C1orf21: variants seen among roughly 807,000 people sequenced by gnomAD.
C1orf21 encodes chromosome 1 open reading frame 21, also known as uncharacterized protein C1orf21.
In C1orf21, 3 loss-of-function variants were observed where a neutral mutation model predicts 18.7. The observed-to-expected ratio is 0.16, with a 90% CI of 0.07 to 0.42. C1orf21 has a LOEUF of 0.42. Ranked by LOEUF, C1orf21 falls within the 10% of genes least tolerant of loss-of-function variation. The pLI, the probability that C1orf21 is intolerant of heterozygous loss-of-function variation, is 0.99. For missense variants in C1orf21, 104 were observed against 143.6 expected (o/e 0.72, Z 1.41); for synonymous variants, 41 against 46.4 (o/e 0.88, Z 0.47).
intron 3 of C1orf21, among the ~76,000 whole-genome samples, chr1:184,534,743 G>C (rs1658521665): frequency 1.3e-5 from 2 of 152,142 alleles, no homozygotes; most frequent in Admixed American, 6.5e-5. Flanking sequence ...TGGGGCACGG[G>C]TACATGAATA....
intron 3 of C1orf21, among the ~76,000 whole-genome samples, chr1:184,547,859 C>T (rs1334038319): frequency 8.6e-5 from 13 of 152,038 alleles, no homozygotes; most frequent in Admixed American, 7.9e-4. Flanking sequence ...ACATTCATTA[C>T]AATCTGAAAT....
intron 3 of C1orf21, among the ~76,000 whole-genome samples, chr1:184,584,760 T>C (rs1659329884): frequency 6.6e-6 from 1 of 152,246 alleles, no homozygotes; most frequent in African/African-American, 2.4e-5. Flanking sequence ...AATACTGTTA[T>C]ATGCTACAAT....
At chr1:184,427,633 A>G (rs796571424) in intron 1 of C1orf21, among the ~76,000 whole-genome samples, 14 of 152,190 alleles carry the variant, frequency 9.2e-5, no homozygotes, top group African/African-American at 2.9e-4. Context: ...AATGAATGAA[A>G]TTGATGTCTC....
chr1:184,410,643 A>AT (rs1271254231), intron 1 of C1orf21, among the ~76,000 whole-genome samples: 8 of 4,968 alleles, frequency 1.6e-3, no homozygotes, highest in African/African-American at 0.011. Context: ...ATATATATAT[A>AT]TATATATATA....
At chr1:184,573,375 C>G (rs1176573278) in intron 3 of C1orf21, among the ~76,000 whole-genome samples, 1 of 152,118 alleles carries the variant, frequency 6.6e-6, no homozygotes, top group Non-Finnish European at 1.5e-5. Context: ...CTTAAAATGT[C>G]AAGTCCTAGA....
intron 1 of C1orf21, among the ~76,000 whole-genome samples, chr1:184,416,186 T>A (rs1026755737): frequency 2.6e-5 from 4 of 152,232 alleles, no homozygotes; most frequent in African/African-American, 9.6e-5. Context: ...ATAAATGTTT[T>A]TTTTGGATGA....
rs376365791 is a variant in C1orf21 at position 184,492,738 on chromosome 1, A to G, written c.95-14850A>G. Reference sequence around the variant, plus strand: ...ACTGATGCTTAAATTGGTGCTGTGCAGCTGCTGCTAGTCAGTGAAGGATTC... The same window carrying G: ...ACTGATGCTTAAATTGGTGCTGTGCGGCTGCTGCTAGTCAGTGAAGGATTC... On this transcript the variant is annotated intron_variant, in intron 2 of 5. Transcript: ENST00000235307. Among the ~76,000 whole-genome samples the G allele has an allele frequency of 8.5e-5, 13 of 152,328 alleles. 1 individual carries two copies. In the East Asian group the frequency reaches 2.3e-3, roughly 27 times the overall value.
rs138405640 is a variant in C1orf21, at chr1:184,421,922, A to G, written c.-125+34554A>G. On this transcript the variant is annotated intron_variant, in intron 1 of 5. Transcript: ENST00000235307. ...TAAAGTCCGCTTCCCCATGAGTGCA[A>G]GGTCCTCTGGAAGCCATGTGGATAT... Among the ~76,000 whole-genome samples the G allele has an allele frequency of 1.4e-4, 21 of 152,336 alleles. No homozygotes were observed. In the East Asian group the frequency reaches 4.0e-3, roughly 29 times the overall value.
At chr1:184,611,262 T>G (rs891950624) in intron 5 of C1orf21, among the ~76,000 whole-genome samples, 12 of 152,238 alleles carry the variant, frequency 7.9e-5, no homozygotes, top group African/African-American at 2.9e-4. Flanking sequence ...CTTTGGCATT[T>G]AAAACTGTTC....
At chr1:184,475,794 CCTGGATTT>C (rs1657562766) in intron 1 of C1orf21, among the ~76,000 whole-genome samples, 1 of 146,924 alleles carries the variant, frequency 6.8e-6, no homozygotes, top group Non-Finnish European at 1.5e-5. Context: ...CATCCACAGG[CCTGGATTT>C]CATATAGTTT....
intron 3 of C1orf21, among the ~76,000 whole-genome samples, chr1:184,578,289 C>T (rs923397909): frequency 1.3e-5 from 2 of 152,120 alleles, no homozygotes; most frequent in African/African-American, 4.8e-5. Flanking sequence ...CTCCTGGGGA[C>T]CAGGCAACAG....
chr1:184,410,645 A>AATATATATATATAT lies in C1orf21; in HGVS notation c.-125+23277_-125+23278insATATATATATATAT. 1.8e-3 allele frequency among the ~76,000 whole-genome samples: 9 copies of AATATATATATATAT among 4,974 alleles called. 3 individuals carry two copies. In the African/African-American group the frequency reaches 0.026, roughly 14 times the overall value. 3.3% of individuals were successfully genotyped at this position (4,974 alleles called of 152,430 possible). A position where few individuals can be genotyped will look rare whatever the true frequency, so the allele number is the denominator to read the frequency against. ...TATATATATATATATATATATATATATATATATATATATATATATTTTTTT... is the reference window on the plus strand; with the variant it reads ...TATATATATATATATATATATATATAATATATATATATATTATATATATATATATATATTTTTTT... On this transcript the variant is annotated intron_variant, in intron 1 of 5. Coordinates refer to ENST00000235307, the MANE Select transcript of C1orf21 (RefSeq NM_030806.4).
chr1:184,450,438 G>T (rs1424386658), intron 1 of C1orf21, among the ~76,000 whole-genome samples: 1 of 152,150 alleles, frequency 6.6e-6, no homozygotes, highest in Non-Finnish European at 1.5e-5. Flanking sequence ...GCTCAATACT[G>T]TATGCATTTT....
chr1:184,596,893 GAAAGA>G (rs1456207903), intron 4 of C1orf21, among the ~76,000 whole-genome samples: 6 of 150,024 alleles, frequency 4.0e-5, no homozygotes, highest in Admixed American at 1.3e-4. Flanking sequence ...AAAAAAGAAA[GAAAGA>G]AAAGAAAAGA....
At chr1:184,587,204 G>A (rs1434679891) in intron 3 of C1orf21, among the ~76,000 whole-genome samples, 7 of 149,534 alleles carry the variant, frequency 4.7e-5, no homozygotes, top group African/African-American at 9.8e-5. Context: ...CATAAAGTCA[G>A]GTAGTGTGAT....
At chr1:184,413,886 C>G (rs548938589) in intron 1 of C1orf21, among the ~76,000 whole-genome samples, 93 of 152,312 alleles carry the variant, frequency 6.1e-4, no homozygotes, top group African/African-American at 2.2e-3. Flanking sequence ...AAAGGTCACT[C>G]TGCCTTAAAT....
At chr1:184,508,933 A>G (rs1426741306) in intron 3 of C1orf21, among the ~76,000 whole-genome samples, 2 of 152,210 alleles carry the variant, frequency 1.3e-5, no homozygotes, top group African/African-American at 4.8e-5. Flanking sequence ...TTTGTTTTGA[A>G]TGGATAAATC....
chr1:184,495,259 A>T (rs1023222013), intron 2 of C1orf21, among the ~76,000 whole-genome samples: 1 of 151,994 alleles, frequency 6.6e-6, no homozygotes, highest in African/African-American at 2.4e-5. Context: ...TTTGTTCCTC[A>T]TGGAACTCTG....
At chr1:184,550,807 G>A (rs2101981559) in intron 3 of C1orf21, among the ~76,000 whole-genome samples, 1 of 152,284 alleles carries the variant, frequency 6.6e-6, no homozygotes, top group African/African-American at 2.4e-5. Flanking sequence ...AAAATGCTGG[G>A]ATTACAGGCA....
Sources: gnomAD v4.1 joint callset for allele counts (sites outside exome capture counted in the v4.1 genomes callset) on GRCh38, gnomAD v4.1.1 for gene constraint, MANE v1.5 for transcripts, NCBI Gene and HGNC (gene_info 2026-07-23, HGNC 2026-07-21) for gene names.